PGPEP1L: variants seen among roughly 807,000 people sequenced by gnomAD.
PGPEP1L encodes the protein pyroglutamyl-peptidase I like.
Under a neutral mutation model 6.0 loss-of-function variants are expected in PGPEP1L, and 7 were observed. The ratio of observed to expected loss-of-function variants is 1.17; its 90% CI spans 0.66 to 2.19. The LOEUF (loss-of-function observed/expected upper bound fraction) is 2.19. PGPEP1L is among the 30% of genes most tolerant of loss of function. PGPEP1L has a pLI of 0.00. For synonymous variants in PGPEP1L, 103 were observed against 83.9 expected (o/e 1.23, Z -1.24); for missense variants, 209 against 192.5 (o/e 1.09, Z -0.51).
intron 1 of PGPEP1L, among the ~76,000 whole-genome samples, chr15:99,006,776 T>C (rs1555473692): frequency 6.7e-6 from 1 of 150,070 alleles, no homozygotes; most frequent in Admixed American, 6.6e-5. Context: ...CCACCCTGGG[T>C]GACAGAGTGA....
chr15:98,984,096 T>C (rs1596519085), intron 2 of PGPEP1L, among the ~76,000 whole-genome samples: 1 of 148,914 alleles, frequency 6.7e-6, no homozygotes, highest in Non-Finnish European at 1.5e-5. Flanking sequence ...CTGCAAGATC[T>C]GCTTCCCGGG....
intron 2 of PGPEP1L, among the ~76,000 whole-genome samples, chr15:98,998,628 C>A (rs2017919388): frequency 6.6e-6 from 1 of 152,186 alleles, no homozygotes; most frequent in Admixed American, 6.5e-5. Context: ...ACCCTTCAAC[C>A]TAAGCCTCAC....
intron 3 of PGPEP1L, 129 bp downstream of exon 3, chr15:98,970,907 T>C: frequency 7.3e-7 from 1 of 1,363,700 alleles, no homozygotes; most frequent in South Asian, 1.4e-5. Flanking sequence ...GCTGGGACCT[T>C]GCATGACTGG....
chr15:98,994,432 T>C (rs1177116674), intron 2 of PGPEP1L, among the ~76,000 whole-genome samples: 1 of 151,914 alleles, frequency 6.6e-6, no homozygotes, highest in Non-Finnish European at 1.5e-5. Flanking sequence ...GGTGGGTGGA[T>C]TGCTTGAGTC....
At chr15:99,000,508 G>A (rs2017950281) in intron 2 of PGPEP1L, among the ~76,000 whole-genome samples, 1 of 152,196 alleles carries the variant, frequency 6.6e-6, no homozygotes, top group African/African-American at 2.4e-5. Context: ...CTAGCTAAGG[G>A]ATTGTAAATA....
intron 2 of PGPEP1L, among the ~76,000 whole-genome samples, chr15:99,000,124 C>G (rs924094552): frequency 1.3e-5 from 2 of 152,188 alleles, no homozygotes; most frequent in Non-Finnish European, 2.9e-5. Context: ...GCGTGGGCTC[C>G]GCGGGCCCCG....
In PGPEP1L at chr15:98,972,421, G is replaced by C. The variant is rs530400082; in HGVS notation, c.-141-1263C>G. On this transcript the variant is annotated intron_variant, in intron 2 of 4. Coordinates refer to ENST00000535714, the MANE Select transcript of PGPEP1L (RefSeq NM_001167902.2). The stretch of plus-strand genomic sequence containing the variant: ...AGCATGGAATAAAAACATTCTACTA[G>C]AGAAAATCACTTAACCACAAATAAA... 1.3e-4 allele frequency among the ~76,000 whole-genome samples: 20 copies of C among 151,782 alleles called. No individual in the cohort carries two copies. The East Asian group carries it at 3.7e-3, about 28-fold the overall frequency.
At chr15:98,971,475 C>G (rs1295830007) in intron 2 of PGPEP1L, among the ~76,000 whole-genome samples, 1 of 151,904 alleles carries the variant, frequency 6.6e-6, no homozygotes, top group South Asian at 2.1e-4. Flanking sequence ...GCCTGGGTGA[C>G]AGAGCTAGAC....
chr15:98,988,084 T>C (rs530792115), intron 2 of PGPEP1L, among the ~76,000 whole-genome samples: 16 of 152,136 alleles, frequency 1.1e-4, no homozygotes, highest in Non-Finnish European at 1.6e-4. Context: ...CCGAGCTAGC[T>C]GCAGGAGTTT....
intron 2 of PGPEP1L, among the ~76,000 whole-genome samples, chr15:98,983,646 A>G (rs2017701439): frequency 1.3e-5 from 2 of 152,342 alleles, no homozygotes; most frequent in South Asian, 4.1e-4. Flanking sequence ...TAACTACTGC[A>G]CAGGTCACTA....
At chr15:98,991,332 C>G (rs1255256718) in intron 2 of PGPEP1L, among the ~76,000 whole-genome samples, 1 of 152,202 alleles carries the variant, frequency 6.6e-6, no homozygotes, top group Non-Finnish European at 1.5e-5. Context: ...ATAAACACCT[C>G]TACACATATA....
At chr15:98,976,644 G>T (rs2017573903) in intron 2 of PGPEP1L, among the ~76,000 whole-genome samples, 1 of 152,168 alleles carries the variant, frequency 6.6e-6, no homozygotes, top group Admixed American at 6.5e-5. Context: ...CCTAGGAACA[G>T]AAGAGGCAAG....
rs201848273 is a variant in PGPEP1L, at chr15:98,985,538, AAAAC to A, written c.-141-14384_-141-14381del. ...GGGCAACAGAACAAGACTCCATCTC[AAAAC>A]AAACAAACAAACAACCAAACAAAAA... On this transcript the variant is annotated intron_variant, in intron 2 of 4. Coordinates refer to ENST00000535714, the MANE Select transcript of PGPEP1L (RefSeq NM_001167902.2). Among the ~76,000 whole-genome samples the A allele has an allele frequency of 3.3e-3, 498 of 152,310 alleles. 2 individuals carry two copies. The highest frequency in any genetic ancestry group is 0.021 in the East Asian group (109 of 5,178).
chr15:98,985,521 G>C (rs922832795), intron 2 of PGPEP1L, among the ~76,000 whole-genome samples: 1 of 152,184 alleles, frequency 6.6e-6, no homozygotes, highest in African/African-American at 2.4e-5. Flanking sequence ...CTGGGCAACA[G>C]AACAAGACTC....
chr15:98,971,208 G>A lies in PGPEP1L; in HGVS notation c.-141-50C>T, dbSNP rs796742206. 861 of 141,028 alleles carry A rather than the reference G, an allele frequency of 6.1e-3. 20 individuals carry two copies. The African/African-American group carries it at 0.064, about 10-fold the overall frequency. The allele number at this position is 141,028 out of a possible 1,614,324, so 8.7% of individuals were successfully genotyped here. A position where few individuals can be genotyped will look rare whatever the true frequency, so the allele number is the denominator to read the frequency against. ...GCCTCAGTTGATGGGGGGGGGGGGG[G>A]GGTGGGCACCAAGAGTCCCTGAAAA... On this transcript the variant is annotated intron_variant, in intron 2 of 4. Transcript: ENST00000535714.
chr15:98,989,124 G>T (rs2017786592), intron 2 of PGPEP1L, among the ~76,000 whole-genome samples: 1 of 152,176 alleles, frequency 6.6e-6, no homozygotes, highest in Admixed American at 6.5e-5. Context: ...AAACTGGATG[G>T]AGAATGAGTT....
At chr15:98,981,637 C>T (rs1244984797) in intron 2 of PGPEP1L, among the ~76,000 whole-genome samples, 5 of 152,034 alleles carry the variant, frequency 3.3e-5, no homozygotes, top group Non-Finnish European at 4.4e-5. Context: ...AGAAGAGAGG[C>T]ATTAGGGGAA....
intron 1 of PGPEP1L, among the ~76,000 whole-genome samples, chr15:99,006,073 T>C (rs1402700259): frequency 1.3e-5 from 2 of 152,216 alleles, no homozygotes; most frequent in African/African-American, 4.8e-5. Context: ...AGATGAATCT[T>C]ATGGCGCCTG....
chr15:98,969,603 C>G lies in PGPEP1L; in HGVS notation c.31G>C (p.Glu11Gln), dbSNP rs1226356666. The G allele has an allele frequency of 1.2e-6, 2 of 1,613,562 alleles. No homozygotes were observed. Among genetic ancestry groups the G allele is most frequent in the Non-Finnish European group, 1.7e-6 (2 of 1,179,880 alleles). ...TAGCCTTGGTTCTTGCCAGACTGTT[C>G]CAGAATGATCGCCTTGGCGGCGGTG... MDTAAKAIIL[E>Q]QSGKNQGYRD... The change falls in exon 4 of 5, where the codon GAA (glutamate) becomes CAA (glutamine). Residue 11 changes from glutamate to glutamine, a missense_variant. Physicochemically the swap from Glu to Gln is conservative, Grantham distance 29. Coordinates refer to ENST00000535714, the MANE Select transcript of PGPEP1L (RefSeq NM_001167902.2).
Sources: allele counts gnomAD v4.1 joint callset (sites outside exome capture counted in the v4.1 genomes callset), GRCh38; gene constraint gnomAD v4.1.1; transcripts MANE v1.5; gene names NCBI Gene and HGNC (gene_info 2026-07-23, HGNC 2026-07-21).